The following GUCY1B1 variants were observed in gnomAD, a reference collection of about 807,000 sequenced individuals.
GUCY1B1 encodes guanylate cyclase soluble subunit beta-1.
GUCY1B1 carries 43 observed loss-of-function variants against 71.0 expected under a neutral mutation model. The ratio of observed to expected loss-of-function variants is 0.61; its 90% CI spans 0.47 to 0.78. The LOEUF is 0.78. Among genes scored for constraint, GUCY1B1 ranks in the 30% least tolerant of loss-of-function variants. The probability of loss-of-function intolerance (pLI) is 0.00; values close to 1 mark genes in which losing one functional copy is unlikely to be tolerated. For missense variants in GUCY1B1, 535 were observed against 754.1 expected, an observed-to-expected ratio of 0.71 and a Z score of 3.40; for synonymous variants, 266 against 259.7, an observed-to-expected ratio of 1.02 and a Z score of -0.23.
chr4:155,801,754 G>A (rs1257801204), intron 9 of GUCY1B1, among the ~76,000 whole-genome samples: 1 of 152,136 alleles, frequency 6.6e-6, no homozygotes, highest in Non-Finnish European at 1.5e-5. Context: ...TGATCCCATA[G>A]TAGTCTCAGT....
chr4:155,768,081 T>A lies in GUCY1B1; in HGVS notation c.78-6887T>A, dbSNP rs141114922. On this transcript the variant is annotated intron_variant, in intron 2 of 13. Transcript: ENST00000264424. ...GTCATTGGTCAGTTTGATTGTTTGA[T>A]CCTGATTGACCTTTTCTGCCCAAGA... Among the ~76,000 whole-genome samples, 1,370 of 152,302 alleles carry A rather than the reference T, an allele frequency of 9.0e-3. 27 individuals are homozygous for A. The highest frequency in any genetic ancestry group is 0.031 in the African/African-American group (1,301 of 41,558).
intron 2 of GUCY1B1, among the ~76,000 whole-genome samples, chr4:155,766,219 G>C (rs1737323894): frequency 6.6e-6 from 1 of 152,118 alleles, no homozygotes; most frequent in African/African-American, 2.4e-5. Flanking sequence ...CAGAATTTAT[G>C]TCAGCATGGT....
chr4:155,765,182 T>C lies in GUCY1B1; in HGVS notation c.77+5322T>C, dbSNP rs75601177. Among the ~76,000 whole-genome samples, 1,450 of 152,296 alleles carry C rather than the reference T, an allele frequency of 9.5e-3. 17 individuals carry two copies. Among genetic ancestry groups the C allele is most frequent in the African/African-American group, 0.032 (1,323 of 41,554 alleles). ...GGCAAACATTTACTAAGCATTGTTA[T>C]GATTTGCAAGAACAAAGTCCTTTCT... is the stretch of plus-strand genomic sequence containing the variant. On this transcript the variant is annotated intron_variant, in intron 2 of 13. Transcript: ENST00000264424.
chr4:155,771,773 G>C (rs1262082217), intron 2 of GUCY1B1, among the ~76,000 whole-genome samples: 5 of 151,900 alleles, frequency 3.3e-5, no homozygotes, highest in Non-Finnish European at 5.9e-5. Context: ...TATACTTGTG[G>C]AAAAAATAAA....
chr4:155,766,317 A>C (rs1737330327), intron 2 of GUCY1B1, among the ~76,000 whole-genome samples: 1 of 152,166 alleles, frequency 6.6e-6, no homozygotes, highest in South Asian at 2.1e-4. Flanking sequence ...ATTGACAAAT[A>C]AAAGTTATAT....
chr4:155,781,269 C>T (rs1170705846), intron 4 of GUCY1B1, among the ~76,000 whole-genome samples: 4 of 151,946 alleles, frequency 2.6e-5, no homozygotes, highest in Non-Finnish European at 5.9e-5. Flanking sequence ...AGGATAATAC[C>T]TCTTTTGCTT....
chr4:155,803,478 G>T, intron 10 of GUCY1B1, 146 bp from the exon 11 acceptor site: 1 of 468,346 alleles, frequency 2.1e-6, no homozygotes, highest in Non-Finnish European at 3.6e-6. Flanking sequence ...TGTTGGAGTT[G>T]AATATATTAG....
intron 2 of GUCY1B1, among the ~76,000 whole-genome samples, chr4:155,766,688 G>A (rs943058617): frequency 1.3e-5 from 2 of 152,106 alleles, no homozygotes; most frequent in Non-Finnish European, 2.9e-5. Flanking sequence ...GAACTCTATT[G>A]TTAGAATGAC....
At chr4:155,789,520 A>C (rs13139832) in intron 4 of GUCY1B1, among the ~76,000 whole-genome samples, 194 bp from the exon 5 acceptor site, 15 of 152,114 alleles carry the variant, frequency 9.9e-5, no homozygotes, top group African/African-American at 3.4e-4. Flanking sequence ...TCTTAATTCT[A>C]CTATCTTAGT....
In GUCY1B1 at chr4:155,785,688, C is replaced by A. The variant is rs1579225269; in HGVS notation, c.298-4026C>A. 2.0e-5 allele frequency among the ~76,000 whole-genome samples: 3 copies of A among 152,140 alleles called. No individual in the cohort carries two copies. The South Asian group carries it at 6.2e-4, about 32-fold the overall frequency. ...GAAAATAACTTTTAATCATTAATCT[C>A]ATTTCTTGTAATAGTCTGGCTGTGG... is the stretch of plus-strand genomic sequence containing the variant. On this transcript the variant is annotated intron_variant, in intron 4 of 13. Transcript: ENST00000264424.
intron 4 of GUCY1B1, among the ~76,000 whole-genome samples, chr4:155,778,246 T>C (rs1738190720): frequency 6.6e-6 from 1 of 152,230 alleles, no homozygotes; most frequent in African/African-American, 2.4e-5. Flanking sequence ...ATCACAGGCC[T>C]TTGTCTTACA....
At chr4:155,790,414 A>G (rs1238006087) in intron 5 of GUCY1B1, among the ~76,000 whole-genome samples, 2 of 152,246 alleles carry the variant, frequency 1.3e-5, no homozygotes, top group Admixed American at 6.5e-5. Context: ...TTGGTGAAAG[A>G]AGCCAGGTCT....
chr4:155,783,579 G>A (rs781374947), intron 4 of GUCY1B1, among the ~76,000 whole-genome samples: 2 of 152,234 alleles, frequency 1.3e-5, no homozygotes, highest in African/African-American at 2.4e-5. Context: ...TTATCAACTA[G>A]CGCCTCTGTT....
chr4:155,775,739 T>A (rs1738000259), intron 3 of GUCY1B1, among the ~76,000 whole-genome samples: 1 of 152,226 alleles, frequency 6.6e-6, no homozygotes, highest in Non-Finnish European at 1.5e-5. Flanking sequence ...TCTTTTGTAG[T>A]CACAAGTTAT....
At chr4:155,796,294 A>C (rs1739550471) in intron 7 of GUCY1B1, 83 bp from the exon 8 acceptor site, 1 of 1,249,738 alleles carries the variant, frequency 8.0e-7, no homozygotes, top group Non-Finnish European at 1.1e-6. Flanking sequence ...GTTTGGTGGG[A>C]AATGAGATAT....
Position 155,804,720 on chromosome 4 carries a change from A to G in GUCY1B1, c.1682A>G (p.Lys561Arg). The change falls in exon 12 of 14, where the codon AAA becomes AGA. Residue 561 changes from lysine to arginine, a missense_variant. Coordinates refer to ENST00000264424, the MANE Select transcript of GUCY1B1 (RefSeq NM_000857.5). Reference sequence around the variant, plus strand: ...ACAGAAACCACAGGAGAAAAGGGAAAAATAAATGTGTCTGAATATACATAC... The same window carrying G: ...ACAGAAACCACAGGAGAAAAGGGAAGAATAAATGTGTCTGAATATACATAC... ...SRTETTGEKG[K>R]INVSEYTYRC... The G allele has an allele frequency of 6.2e-7, 1 of 1,613,296 alleles. No individual in the cohort carries two copies. The highest frequency in any genetic ancestry group is 8.5e-7 in the Non-Finnish European group (1 of 1,179,490).
chr4:155,802,483 T>G lies in GUCY1B1; in HGVS notation c.1317T>G (p.Ser439=). The change falls in exon 10 of 14, where the codon TCT becomes TCG. Residue 439 remains serine, a synonymous_variant. Transcript: ENST00000264424. This position sits in a 1 kb window ranked among gnomAD's most constrained non-coding sequence, Gnocchi z 4.3. ...GFNAFCSKHA[S]GEGAMKIVNL... is the part of the protein sequence containing the mutation. ...ATGCTTTCTGTAGCAAGCATGCATC[T>G]GGAGAAGGAGCCATGAAGATCGTCA... The G allele has an allele frequency of 6.2e-7, 1 of 1,613,748 alleles. No individual in the cohort carries two copies. Among genetic ancestry groups the G allele is most frequent in the South Asian group, 1.1e-5 (1 of 91,076 alleles).
At chr4:155,770,413 G>A (rs896664442) in intron 2 of GUCY1B1, among the ~76,000 whole-genome samples, 1 of 152,096 alleles carries the variant, frequency 6.6e-6, no homozygotes, top group Admixed American at 6.6e-5. Context: ...CATGAAGTCC[G>A]ATTATATATA....
At chr4:155,786,461 CTTTTTTTTT>C (rs70954058) in intron 4 of GUCY1B1, among the ~76,000 whole-genome samples, 4 of 37,154 alleles carry the variant, frequency 1.1e-4, no homozygotes, top group Admixed American at 3.7e-4. Flanking sequence ...TTCTTTCTTT[CTTTTTTTTT>C]TTTTTTTTTT....
Sources: allele counts gnomAD v4.1 joint callset (sites outside exome capture counted in the v4.1 genomes callset), GRCh38; gene constraint gnomAD v4.1.1; non-coding constraint Gnocchi (gnomAD v3.1); transcripts MANE v1.5; gene names NCBI Gene and HGNC (gene_info 2026-07-23, HGNC 2026-07-21).